SLC10A4: variants seen among roughly 807,000 people sequenced by gnomAD.
SLC10A4 encodes solute carrier family 10 member 4.
In SLC10A4, 17 loss-of-function variants were observed where a neutral mutation model predicts 22.5. That is an observed-to-expected ratio of 0.76 (90% CI 0.52 to 1.14). The LOEUF is 1.14. Among genes scored for constraint, SLC10A4 ranks in the 50% most tolerant of loss-of-function variants. The pLI, the probability that SLC10A4 is intolerant of heterozygous loss-of-function variation, is 0.00. For synonymous variants in SLC10A4, 257 were observed against 258.2 expected, an observed-to-expected ratio of 1.00 and a Z score of 0.04; for missense variants, 548 against 584.0, an observed-to-expected ratio of 0.94 and a Z score of 0.64.
Position 48,489,513 on chromosome 4 carries a change from A to AT in SLC10A4, c.*579dup, listed in dbSNP as rs1718350340. On this transcript the variant is annotated 3_prime_UTR_variant, in exon 3 of 3. Transcript: ENST00000273861. ...ATCTACTTATTAATGAATAATCAAC[A>AT]TTTTTCTAGTGGACAAGCCATGTTC... 6.6e-6 allele frequency among the ~76,000 whole-genome samples: 1 copy of AT among 152,170 alleles called. No homozygotes were observed. The highest frequency in any genetic ancestry group is 1.5e-5 in the Non-Finnish European group (1 of 68,030).
chr4:48,489,365 T>C lies in SLC10A4; in HGVS notation c.*426T>C, dbSNP rs946480059. The stretch of plus-strand genomic sequence containing the variant: ...TTGCTCTACTTAAAATTCCTCACAA[T>C]GTTGAATTTTGACCTGTATTCAGAA... On this transcript the variant is annotated 3_prime_UTR_variant, in exon 3 of 3. Transcript: ENST00000273861. Among the ~76,000 whole-genome samples, 4 of 152,226 alleles carry C rather than the reference T, an allele frequency of 2.6e-5. No homozygotes were observed. Among genetic ancestry groups the C allele is most frequent in the Admixed American group, 6.5e-5 (1 of 15,284 alleles).
intron 2 of SLC10A4, among the ~76,000 whole-genome samples, chr4:48,488,192 G>A (rs970405442): frequency 1.3e-5 from 2 of 150,570 alleles, no homozygotes; most frequent in Non-Finnish European, 1.5e-5. Flanking sequence ...ATGGCTAGAG[G>A]TTATAGAAGG....
At chr4:48,485,272 A>T (rs1041503530) in intron 2 of SLC10A4, 130 bp downstream of exon 2, 25 of 881,810 alleles carry the variant, frequency 2.8e-5, no homozygotes, top group East Asian at 8.0e-5. Flanking sequence ...CATGGATAAA[A>T]TTTTTTTTAA....
Position 48,483,567 on chromosome 4 carries a change from C to G in SLC10A4, c.6C>G (p.Asp2Glu). 6.7e-7 allele frequency: 1 copy of G among 1,503,222 alleles called. No individual in the cohort carries two copies. The highest frequency in any genetic ancestry group is 1.2e-5 in the South Asian group (1 of 80,638). The allele number at this position is 1,503,222 out of a possible 1,614,324, so 93.1% of individuals were successfully genotyped here. A position where few individuals can be genotyped will look rare whatever the true frequency, so the allele number is the denominator to read the frequency against. MDGNDNVTLLFA... is the reference protein window; with the variant it reads MEGNDNVTLLFA... ...TCCGCAGCTCCGGCCGCGCCATGGA[C>G]GGCAACGACAACGTGACCCTGCTCT... Residue 2 changes from aspartate to glutamate, a missense_variant, in exon 1 of 3, where the codon GAC becomes GAG. Coordinates refer to ENST00000273861, the MANE Select transcript of SLC10A4 (RefSeq NM_152679.4). The surrounding 1 kb of genome is among the most constrained non-coding windows in gnomAD (Gnocchi z 5.4).
chr4:48,487,730 CT>C (rs1718304404), intron 2 of SLC10A4, among the ~76,000 whole-genome samples: 1 of 123,896 alleles, frequency 8.1e-6, no homozygotes, highest in Admixed American at 8.4e-5. Context: ...AGTTTTTAAG[CT>C]TTTGAAGAGC....
intron 2 of SLC10A4, among the ~76,000 whole-genome samples, chr4:48,486,240 A>G (rs1718279899): frequency 6.6e-6 from 1 of 152,072 alleles, no homozygotes; most frequent in Admixed American, 6.5e-5. Context: ...GCATATATCC[A>G]GGCTTGAGTA....
In SLC10A4 at chr4:48,489,046, A is replaced by G; in HGVS notation, c.*107A>G. On this transcript the variant is annotated 3_prime_UTR_variant, in exon 3 of 3. Transcript: ENST00000273861. Reference sequence around the variant, plus strand: ...AAAAGATAACACTGGTTCACATCATACATGTAACAATTCTGATCTTTTTAA... The same window carrying G: ...AAAAGATAACACTGGTTCACATCATGCATGTAACAATTCTGATCTTTTTAA... 1.6e-6 allele frequency: 2 copies of G among 1,269,792 alleles called. No homozygotes were observed. Among genetic ancestry groups the G allele is most frequent in the Non-Finnish European group, 2.2e-6 (2 of 921,592 alleles). 78.7% of individuals were successfully genotyped at this position (1,269,792 alleles called of 1,614,324 possible).
In SLC10A4 at chr4:48,488,968, T is replaced by C; in HGVS notation, c.*29T>C. On this transcript the variant is annotated 3_prime_UTR_variant, in exon 3 of 3. Transcript: ENST00000273861. The stretch of plus-strand genomic sequence containing the variant: ...TGGAGATACACAGGAGCTTCTATCT[T>C]GCTGAAATATTGCTTCATATTTATA... The C allele has an allele frequency of 1.3e-6, 2 of 1,543,894 alleles. No individual in the cohort carries two copies. Among genetic ancestry groups the C allele is most frequent in the Non-Finnish European group, 1.7e-6 (2 of 1,153,342 alleles).
Position 48,483,925 on chromosome 4 carries a change from T to C in SLC10A4, c.364T>C (p.Cys122Arg). The C allele has an allele frequency of 1.3e-6, 2 of 1,543,382 alleles. No individual in the cohort carries two copies. Among genetic ancestry groups the C allele is most frequent in the Non-Finnish European group, 1.7e-6 (2 of 1,145,164 alleles). ...ALCITMLGLGCTVDVNHFGAH... is the reference protein window; with the variant it reads ...ALCITMLGLGRTVDVNHFGAH... ...GTGCATCACCATGCTGGGCCTGGGC[T>C]GCACGGTGGACGTGAACCACTTCGG... is the stretch of plus-strand genomic sequence containing the variant. The change falls in exon 1 of 3, where the codon TGC (cysteine) becomes CGC (arginine). Residue 122 changes from cysteine to arginine, a missense_variant. Coordinates refer to ENST00000273861, the MANE Select transcript of SLC10A4 (RefSeq NM_152679.4). The surrounding 1 kb of genome is among the most constrained non-coding windows in gnomAD (Gnocchi z 5.4).
At position 48,488,526 on chromosome 4, in the gene SLC10A4, T is replaced by A; in HGVS notation, c.901T>A (p.Tyr301Asn). 2 of 1,613,932 alleles carry A rather than the reference T, an allele frequency of 1.2e-6. No individual in the cohort carries two copies. ...GCTGGCAAGTATCCCTGCAGCTGTT[T>A]ATGTGATAGCAATTTTTATGCCTTT... The part of the protein sequence containing the change: ...ELLASIPAAV[Y>N]VIAIFMPLAG... Residue 301 changes from tyrosine (Y) to asparagine (N), a missense_variant, in exon 3 of 3, where the codon TAT becomes AAT. This residue lies in a region of SLC10A4 where 314 missense variants were observed against 353.2 expected (regional missense o/e 0.89). Transcript: ENST00000273861.
At position 48,488,759 on chromosome 4, in the gene SLC10A4, T is replaced by A; in HGVS notation, c.1134T>A (p.Phe378Leu). 6.2e-7 allele frequency: 1 copy of A among 1,614,090 alleles called. No homozygotes were observed. Among genetic ancestry groups the A allele is most frequent in the Non-Finnish European group, 8.5e-7 (1 of 1,180,038 alleles). Reference protein sequence around the residue: ...ALFQSAEAGIFVLIYKMYGSE... With the variant: ...ALFQSAEAGILVLIYKMYGSE... ...TCCAGTCTGCAGAAGCGGGGATTTT[T>A]GTTTTAATCTATAAAATGTATGGAA... Residue 378 changes from phenylalanine to leucine, a missense_variant, in exon 3 of 3, where the codon TTT (phenylalanine) becomes TTA (leucine). Physicochemically the swap from Phe to Leu is conservative, Grantham distance 22. Coordinates refer to ENST00000273861, the MANE Select transcript of SLC10A4 (RefSeq NM_152679.4).
intron 2 of SLC10A4, among the ~76,000 whole-genome samples, chr4:48,487,276 TAAAA>T (rs35738962): frequency 6.6e-6 from 1 of 152,110 alleles, no homozygotes; most frequent in Non-Finnish European, 1.5e-5. Context: ...CATGAACAAA[TAAAA>T]AAGGGGAAAG....
At position 48,485,134 on chromosome 4, in the gene SLC10A4, A is replaced by G. The variant is rs1289344207; in HGVS notation, c.793A>G (p.Ile265Val). The part of the protein sequence containing the change: ...RYKYSRVADY[I>V]VKVSLWSLLV... ...CAAATACAGCCGGGTGGCTGACTAC[A>G]TTGTGAAGGTAAGGCCCCCTCTTCC... The change falls in exon 2 of 3, where the codon ATT becomes GTT. Residue 265 changes from isoleucine to valine, a missense_variant. Around this residue, in one of 3 missense-constraint regions of SLC10A4, gnomAD observed 314 missense variants for 353.2 expected, o/e 0.89. Coordinates refer to ENST00000273861, the MANE Select transcript of SLC10A4 (RefSeq NM_152679.4). The G allele has an allele frequency of 6.2e-7, 1 of 1,613,976 alleles. No homozygotes were observed. The highest frequency in any genetic ancestry group is 1.1e-5 in the South Asian group (1 of 91,068).
Position 48,488,333 on chromosome 4 carries a change from G to A in SLC10A4, c.802-94G>A, listed in dbSNP as rs1577769263. ...TGTCAAAGGTCTCCATTTTGTGTTG[G>A]AGAGCATACTAGATGGGTGTTTTCT... On this transcript the variant is annotated intron_variant, in intron 2 of 2. Transcript: ENST00000273861. The A allele has an allele frequency of 8.0e-6, 9 of 1,128,528 alleles. No individual in the cohort carries two copies. The East Asian group carries it at 2.2e-4, about 28-fold the overall frequency. The allele number at this position is 1,128,528 out of a possible 1,614,324, so 69.9% of individuals were successfully genotyped here. A position where few individuals can be genotyped will look rare whatever the true frequency, so the allele number is the denominator to read the frequency against.
rs759505027 is a variant in SLC10A4, at chr4:48,488,695, T to C, written c.1070T>C (p.Ile357Thr). Residue 357 changes from isoleucine (I) to threonine (T), a missense_variant, in exon 3 of 3, where the codon ATA becomes ACA. Coordinates refer to ENST00000273861, the MANE Select transcript of SLC10A4 (RefSeq NM_152679.4). Reference protein sequence around the residue: ...ILKLAFPPQFIGSMYMFPLLY... With the variant: ...ILKLAFPPQFTGSMYMFPLLY... ...AAACTGGCCTTTCCACCGCAATTCA[T>C]AGGAAGCATGTACATGTTTCCTTTG... The C allele has an allele frequency of 4.3e-6, 7 of 1,614,082 alleles. No homozygotes were observed. In the East Asian group the frequency reaches 8.9e-5, roughly 21 times the overall value.
rs368760951 is a variant in SLC10A4 at position 48,488,478 on chromosome 4, G to A, written c.853G>A (p.Gly285Ser). The A allele has an allele frequency of 1.2e-5, 19 of 1,613,252 alleles. No homozygotes were observed. The African/African-American group carries it at 1.3e-4, about 11-fold the overall frequency. ...VTLVVLFIMTGTMLGPELLAS... is the reference protein window; with the variant it reads ...VTLVVLFIMTSTMLGPELLAS... ...TCTGGTGGTCCTTTTCATAATGACC[G>A]GCACTATGTTAGGACCTGAACTGCT... Residue 285 changes from glycine (G) to serine (S), a missense_variant, in exon 3 of 3, where the codon GGC (glycine) becomes AGC (serine). Physicochemically the swap from Gly to Ser is moderately conservative, Grantham distance 56. Transcript: ENST00000273861.
rs1718336790 is a variant in SLC10A4 at position 48,488,860 on chromosome 4, A to ATCTTT, written c.1235_1236insTCTTT (p.Glu412AspfsTer13). On this transcript the variant is annotated frameshift_variant, in exon 3 of 3. Transcript: ENST00000273861. LOFTEE classifies it high-confidence loss of function. ...ATTTCTTATAAAAAACTAAAAGAAGAGGAAATGGCAGACACTTCCTATGGC... is the reference window on the plus strand; with the variant it reads ...ATTTCTTATAAAAAACTAAAAGAAGATCTTTGGAAATGGCAGACACTTCCTATGGC... The ATCTTT allele has an allele frequency of 6.2e-7, 1 of 1,613,582 alleles. No individual in the cohort carries two copies. Among genetic ancestry groups the ATCTTT allele is most frequent in the African/African-American group, 1.3e-5 (1 of 74,918 alleles).
chr4:48,484,237 TG>T, intron 1 of SLC10A4, 86 bp downstream of exon 1: 1 of 1,321,000 alleles, frequency 7.6e-7, no homozygotes. Context: ...ACAGAGGCAG[TG>T]GAGGGGTTGG....
intron 2 of SLC10A4, among the ~76,000 whole-genome samples, chr4:48,485,578 CTG>C (rs1718270090): frequency 1.3e-5 from 2 of 152,156 alleles, no homozygotes; most frequent in Admixed American, 6.5e-5. Flanking sequence ...CTGAGAAACT[CTG>C]TAGTAGGTTC....
Sources: gnomAD v4.1 joint callset for allele counts (sites outside exome capture counted in the v4.1 genomes callset) on GRCh38, gnomAD v4.1.1 for gene constraint, gnomAD v4.1.1 regional missense constraint, Gnocchi (gnomAD v3.1) non-coding constraint, MANE v1.5 for transcripts, NCBI Gene and HGNC (gene_info 2026-07-23, HGNC 2026-07-21) for gene names.